CAPN3: variants seen among roughly 807,000 people sequenced by gnomAD.
CAPN3 encodes calpain-3.
Under a neutral mutation model 114.0 loss-of-function variants are expected in CAPN3, and 88 were observed. The ratio of observed to expected loss-of-function variants is 0.77; its 90% CI spans 0.65 to 0.92. The LOEUF (loss-of-function observed/expected upper bound fraction) is 0.92, where lower values mean the gene tolerates loss of function less well. Among genes scored for constraint, CAPN3 ranks in the 40% least tolerant of loss-of-function variants. The pLI is 0.00. For synonymous variants in CAPN3, 386 were observed against 382.9 expected (o/e 1.01, Z -0.09); for missense variants, 1,028 against 1,069.0 (o/e 0.96, Z 0.53).
chr15:42,365,033 C>T (rs547222986), intron 1 of CAPN3, among the ~76,000 whole-genome samples: 7 of 152,330 alleles, frequency 4.6e-5, no homozygotes, highest in Non-Finnish European at 1.0e-4. Context: ...ACCATCAGCT[C>T]AGCTGGCCAG....
chr15:42,409,351 C>A lies in CAPN3; in HGVS notation c.1963C>A (p.Arg655=). The stretch of plus-strand genomic sequence containing the variant: ...GGAAAGTGAGGAACAGCAACAATTC[C>A]GGAACATTTTCAAGCAGATAGCAGG... The part of the protein sequence containing the change: ...DQESEEQQQF[R]NIFKQIAGDD... Residue 655 remains arginine (R), a synonymous_variant, in exon 17 of 24, where the codon CGG becomes AGG. Coordinates refer to ENST00000397163, the MANE Select transcript of CAPN3 (RefSeq NM_000070.3). 2 of 1,614,192 alleles carry A rather than the reference C, an allele frequency of 1.2e-6. No homozygotes were observed. The highest frequency in any genetic ancestry group is 1.7e-6 in the Non-Finnish European group (2 of 1,180,034).
At chr15:42,389,675 T>C (rs2053500796) in intron 5 of CAPN3, among the ~76,000 whole-genome samples, 1 of 152,212 alleles carries the variant, frequency 6.6e-6, no homozygotes, top group Non-Finnish European at 1.5e-5. Context: ...ATCTTAGTGG[T>C]TTCCATTGGG....
At chr15:42,368,141 A>C (rs1261360121) in intron 1 of CAPN3, among the ~76,000 whole-genome samples, 4 of 152,198 alleles carry the variant, frequency 2.6e-5, no homozygotes, top group African/African-American at 9.7e-5. Context: ...CCTCAAAATT[A>C]GTACTTGAGG....
intron 9 of CAPN3, among the ~76,000 whole-genome samples, chr15:42,398,622 CACACACACACACATATATAT>C (rs2053770833): frequency 2.7e-5 from 4 of 148,682 alleles, no homozygotes; most frequent in African/African-American, 5.1e-5. Context: ...CACACACACA[CACACACACACACATATATAT>C]ACACACATAT....
intron 22 of CAPN3, 116 bp from the exon 23 acceptor site, chr15:42,411,171 C>A: frequency 9.6e-7 from 1 of 1,042,352 alleles, no homozygotes; most frequent in Non-Finnish European, 1.5e-6. Context: ...TCTCTGCCTG[C>A]ACATCTTTGT....
At chr15:42,393,643 G>A (rs1425866499) in intron 7 of CAPN3, among the ~76,000 whole-genome samples, 1 of 150,270 alleles carries the variant, frequency 6.7e-6, no homozygotes, top group South Asian at 2.1e-4. Flanking sequence ...GCCCAGGCTG[G>A]AGTGTAGTGG....
chr15:42,398,780 CTTTTTTTTTTTT>C (rs765133190), intron 9 of CAPN3, among the ~76,000 whole-genome samples: 1 of 101,326 alleles, frequency 9.9e-6, no homozygotes, highest in Non-Finnish European at 1.8e-5. Context: ...AGCATTAGAG[CTTTTTTTTTTTT>C]TTTTTTTTTT....
At chr15:42,379,597 C>G (rs975524019) in intron 1 of CAPN3, among the ~76,000 whole-genome samples, 10 of 152,200 alleles carry the variant, frequency 6.6e-5, no homozygotes, top group African/African-American at 2.2e-4. Flanking sequence ...CACTCTTTGC[C>G]TCATGTATTT....
chr15:42,385,110 A>T (rs538245670), intron 2 of CAPN3, among the ~76,000 whole-genome samples: 1 of 152,284 alleles, frequency 6.6e-6, no homozygotes, highest in South Asian at 2.1e-4. Context: ...CTCTCTCTCG[A>T]CCTCTTGTTC....
chr15:42,404,708 T>C, intron 14 of CAPN3: 1 of 1,173,784 alleles, frequency 8.5e-7, no homozygotes, highest in African/African-American at 1.6e-5. Context: ...TTGTGCTCTG[T>C]GGGGATGACG....
intron 16 of CAPN3, chr15:42,408,546 C>A: frequency 1.9e-6 from 1 of 529,568 alleles, no homozygotes; most frequent in Non-Finnish European, 3.6e-6. Flanking sequence ...AGTGGACTGG[C>A]AGGCTGAGCC....
At chr15:42,361,351 G>A (rs1189485387) in intron 1 of CAPN3, among the ~76,000 whole-genome samples, 1 of 152,038 alleles carries the variant, frequency 6.6e-6, no homozygotes, top group Non-Finnish European at 1.5e-5. Context: ...ACATGCCTGT[G>A]GTCCTAGCTA....
chr15:42,412,036 T>A lies in CAPN3; in HGVS notation c.*263T>A. ...TGTGGAGGAAAGTGCCTGCCTCTGG[T>A]CCGAGCCGCCTCGGTTCTGAAGCGA... is the stretch of plus-strand genomic sequence containing the variant. On this transcript the variant is annotated 3_prime_UTR_variant, in exon 24 of 24. Transcript: ENST00000397163. 1 of 1,516,354 alleles carries A rather than the reference T, an allele frequency of 6.6e-7. No homozygotes were observed. The highest frequency in any genetic ancestry group is 8.8e-7 in the Non-Finnish European group (1 of 1,136,968). 93.9% of individuals were successfully genotyped at this position (1,516,354 alleles called of 1,614,324 possible).
In CAPN3 at chr15:42,411,865, C is replaced by A. The variant is rs993772857; in HGVS notation, c.*92C>A. 8 of 1,607,928 alleles carry A rather than the reference C, an allele frequency of 5.0e-6. No individual in the cohort carries two copies. The highest frequency in any genetic ancestry group is 6.8e-6 in the Non-Finnish European group (8 of 1,176,902). The stretch of plus-strand genomic sequence containing the variant: ...AAGCCATTTACCTCAAAGGACCCAG[C>A]AGCTACACCCCTACAGGCTTCCAGG... On this transcript the variant is annotated 3_prime_UTR_variant, in exon 24 of 24. Coordinates refer to ENST00000397163, the MANE Select transcript of CAPN3 (RefSeq NM_000070.3).
intron 15 of CAPN3, among the ~76,000 whole-genome samples, chr15:42,406,505 CT>C (rs1305773583): frequency 8.6e-5 from 13 of 152,014 alleles, no homozygotes; most frequent in East Asian, 3.9e-4. Flanking sequence ...CAGTCCCTCT[CT>C]TTTTTTTCCC....
intron 23 of CAPN3, 84 bp downstream of exon 23, chr15:42,411,429 G>A: frequency 8.1e-7 from 1 of 1,229,582 alleles, no homozygotes; most frequent in Admixed American, 1.7e-5. Flanking sequence ...CCCAGGGTGT[G>A]CTCCTCATTT....
At chr15:42,367,240 C>CAA (rs1408336512) in intron 1 of CAPN3, among the ~76,000 whole-genome samples, 1 of 152,086 alleles carries the variant, frequency 6.6e-6, no homozygotes, top group Non-Finnish European at 1.5e-5. Context: ...AGCCAACACT[C>CAA]AGAGTGTGGA....
intron 21 of CAPN3, 58 bp from the exon 22 acceptor site, chr15:42,410,826 G>C: frequency 6.8e-7 from 1 of 1,467,466 alleles, no homozygotes; most frequent in Non-Finnish European, 9.6e-7. Flanking sequence ...AGGGAAAATA[G>C]AAGGCAGGCC....
intron 1 of CAPN3, among the ~76,000 whole-genome samples, chr15:42,381,671 C>G (rs1249531689): frequency 2.6e-5 from 4 of 152,266 alleles, no homozygotes; most frequent in East Asian, 3.9e-4. Flanking sequence ...TCCCGAGTAG[C>G]TGGGACTACA....
Sources: gnomAD v4.1 joint callset for allele counts (sites outside exome capture counted in the v4.1 genomes callset) on GRCh38, gnomAD v4.1.1 for gene constraint, MANE v1.5 for transcripts, NCBI Gene and HGNC (gene_info 2026-07-23, HGNC 2026-07-21) for gene names.